THG1L: variants seen among roughly 807,000 people sequenced by gnomAD.
THG1L encodes the protein tRNA-histidine guanylyltransferase 1 like.
A neutral mutation model predicts 35.2 loss-of-function variants in THG1L; 27 were observed. The observed-to-expected ratio is 0.77, with a 90% CI of 0.57 to 1.06. The LOEUF (loss-of-function observed/expected upper bound fraction) is 1.06, where lower values mean the gene tolerates loss of function less well. THG1L is among the 50% of genes least tolerant of loss of function. The pLI is 0.00. For synonymous variants in THG1L, 135 were observed against 132.4 expected, an observed-to-expected ratio of 1.02 and a Z score of -0.14; for missense variants, 377 against 371.8, an observed-to-expected ratio of 1.01 and a Z score of -0.12.
intron 2 of THG1L, among the ~76,000 whole-genome samples, chr5:157,733,591 G>C (rs980723408): frequency 1.3e-5 from 2 of 151,862 alleles, no homozygotes; most frequent in African/African-American, 4.8e-5. Flanking sequence ...TTGGCCTCTC[G>C]AAGTGCTAGG....
rs374527072 is a variant in THG1L, at chr5:157,741,413, C to T, written c.*1931C>T. The T allele has an allele frequency of 9.9e-5, 15 of 152,160 alleles. No individual in the cohort carries two copies. Among genetic ancestry groups the T allele is most frequent in the African/African-American group, 3.4e-4 (14 of 41,526 alleles). The allele number at this position is 152,160 out of a possible 1,614,324, so 9.4% of individuals were successfully genotyped here. A position where few individuals can be genotyped will look rare whatever the true frequency, so the allele number is the denominator to read the frequency against. On this transcript the variant is annotated 3_prime_UTR_variant, in exon 6 of 6. Transcript: ENST00000231198. ...GTTCTTGTTTGGTAATTGCTAAAAT[C>T]TCTTTGAGGAAAGAAATAAAGATGT...
At chr5:157,734,780 C>T in intron 3 of THG1L, 35 bp downstream of exon 3, 1 of 1,611,992 alleles carries the variant, frequency 6.2e-7, no homozygotes, top group Non-Finnish European at 8.5e-7. Flanking sequence ...GTAGTTAAAC[C>T]ACCAATTCCA....
chr5:157,734,029 G>A (rs770007462), intron 2 of THG1L, among the ~76,000 whole-genome samples: 1 of 152,106 alleles, frequency 6.6e-6, no homozygotes. Context: ...ATCACATCCT[G>A]TAGGGAAAGG....
Position 157,731,735 on chromosome 5 carries a change from G to A in THG1L, c.191+104G>A, listed in dbSNP as rs1197324790. 3 of 1,407,372 alleles carry A rather than the reference G, an allele frequency of 2.1e-6. No individual in the cohort carries two copies. In the East Asian group the frequency reaches 7.0e-5, roughly 33 times the overall value. 87.2% of individuals were successfully genotyped at this position (1,407,372 alleles called of 1,614,324 possible). ...GCCCGCTCCAGTCACGGTTACCAGG[G>A]TAACGCGGTAGCCAATGAGTGCGCA... On this transcript the variant is annotated intron_variant, in intron 1 of 5. Coordinates refer to ENST00000231198, the MANE Select transcript of THG1L (RefSeq NM_017872.5).
At chr5:157,738,847 C>CA (rs1312581648) in intron 5 of THG1L, 1 of 194,026 alleles carries the variant, frequency 5.2e-6, no homozygotes, top group Non-Finnish European at 9.7e-6. Flanking sequence ...TTTTTTAAGA[C>CA]AGAGTCTTGC....
At chr5:157,733,691 G>A (rs1039595246) in intron 2 of THG1L, among the ~76,000 whole-genome samples, 1 of 151,372 alleles carries the variant, frequency 6.6e-6, no homozygotes, top group Admixed American at 6.6e-5. Flanking sequence ...AACACAAACA[G>A]ATCAGGCGTG....
At chr5:157,738,049 C>A in intron 5 of THG1L, 55 bp downstream of exon 5, 1 of 1,424,806 alleles carries the variant, frequency 7.0e-7, no homozygotes, top group Non-Finnish European at 9.8e-7. Flanking sequence ...ATAGCCTGTG[C>A]CCATTCCAAG....
In THG1L at chr5:157,734,698, C is replaced by A; in HGVS notation, c.491C>A (p.Pro164His). 1 of 1,614,058 alleles carries A rather than the reference C, an allele frequency of 6.2e-7. No individual in the cohort carries two copies. ...PGFDGRVVVY[P>H]SNQTLKDYLS... Reference sequence around the variant, plus strand: ...TTTGACGGAAGAGTCGTGGTGTATCCCAGCAACCAGACTTTAAAGGACTAC... The same window carrying A: ...TTTGACGGAAGAGTCGTGGTGTATCACAGCAACCAGACTTTAAAGGACTAC... Residue 164 changes from proline (P) to histidine (H), a missense_variant, in exon 3 of 6, where the codon CCC (proline) becomes CAC (histidine). Transcript: ENST00000231198.
At chr5:157,732,806 A>C in intron 1 of THG1L, 62 bp from the exon 2 acceptor site, 1 of 1,594,074 alleles carries the variant, frequency 6.3e-7, no homozygotes, top group South Asian at 1.1e-5. Context: ...TTATCTAGCA[A>C]CAGAGCGTGT....
At chr5:157,734,815 C>A in intron 3 of THG1L, 70 bp downstream of exon 3, 1 of 1,570,254 alleles carries the variant, frequency 6.4e-7, no homozygotes, top group Non-Finnish European at 8.7e-7. Context: ...TGATCTGATA[C>A]AGGATTGGCT....
At chr5:157,732,203 A>G in intron 1 of THG1L, among the ~76,000 whole-genome samples, 1 of 119,206 alleles carries the variant, frequency 8.4e-6, no homozygotes, top group African/African-American at 3.2e-5. Context: ...TGTTTGTGAA[A>G]CTCCGCCACT....
rs1454980461 is a variant in THG1L, at chr5:157,740,013, G to A, written c.*531G>A. On this transcript the variant is annotated 3_prime_UTR_variant, in exon 6 of 6. Coordinates refer to ENST00000231198, the MANE Select transcript of THG1L (RefSeq NM_017872.5). Reference sequence around the variant, plus strand: ...TTCAGGAATTGCAGGGAAAACTCGGGGCTTTGTGCCAGTCTCTAAGTTGGC... The same window carrying A: ...TTCAGGAATTGCAGGGAAAACTCGGAGCTTTGTGCCAGTCTCTAAGTTGGC... 2 of 152,116 alleles carry A rather than the reference G, an allele frequency of 1.3e-5. No individual in the cohort carries two copies. The highest frequency in any genetic ancestry group is 4.8e-5 in the African/African-American group (2 of 41,390). The allele number at this position is 152,116 out of a possible 1,614,324, so 9.4% of individuals were successfully genotyped here.
rs2270812 is a variant in THG1L, at chr5:157,737,954, T to C, written c.695T>C (p.Leu232Pro). The C allele has an allele frequency of 0.66, 1,058,055 of 1,611,432 alleles. 349,944 individuals carry two copies. Among genetic ancestry groups the C allele is most frequent in the East Asian group, 0.79 (35,542 of 44,812 alleles). ...TTCAACATCAACTATAATAATGAGC[T>C]GCCGATGTATAGGAAAGGGACTGTG... Reference protein sequence around the residue: ...SEFNINYNNELPMYRKGTVLI... With the variant: ...SEFNINYNNEPPMYRKGTVLI... The change falls in exon 5 of 6, where the codon CTG becomes CCG. Residue 232 changes from leucine (L) to proline (P), a missense_variant. By Grantham distance (98) the Leu-to-Pro change is moderately conservative. Transcript: ENST00000231198.
At chr5:157,733,807 A>C (rs563032980) in intron 2 of THG1L, among the ~76,000 whole-genome samples, 1 of 152,206 alleles carries the variant, frequency 6.6e-6, no homozygotes. Context: ...CCTCATCTCT[A>C]CAAAAAATTT....
chr5:157,731,469 A>G lies in THG1L; in HGVS notation c.29A>G (p.His10Arg), dbSNP rs1300789796. 1.9e-6 allele frequency: 3 copies of G among 1,609,462 alleles called. No individual in the cohort carries two copies. Among genetic ancestry groups the G allele is most frequent in the Non-Finnish European group, 2.5e-6 (3 of 1,177,626 alleles). Residue 10 changes from histidine (H) to arginine (R), a missense_variant, in exon 1 of 6, where the codon CAC (histidine) becomes CGC (arginine). His to Arg is a conservative substitution (Grantham distance 29). Coordinates refer to ENST00000231198, the MANE Select transcript of THG1L (RefSeq NM_017872.5). MWGACKVKV[H>R]DSLATISITL... Reference sequence around the variant, plus strand: ...TGGGGCGCCTGTAAAGTTAAGGTTCACGATTCCTTGGCCACCATTTCCATC... The same window carrying G: ...TGGGGCGCCTGTAAAGTTAAGGTTCGCGATTCCTTGGCCACCATTTCCATC...
At chr5:157,738,031 G>GA (rs1369886882) in intron 5 of THG1L, 37 bp downstream of exon 5, 2 of 1,536,002 alleles carry the variant, frequency 1.3e-6, no homozygotes, top group Non-Finnish European at 1.8e-6. Context: ...TGGAAGTCAG[G>GA]AAAAAAGATA....
intron 4 of THG1L, among the ~76,000 whole-genome samples, chr5:157,737,201 A>G (rs1223535047): frequency 6.6e-6 from 1 of 152,260 alleles, no homozygotes; most frequent in East Asian, 1.9e-4. Flanking sequence ...CAATAATAGG[A>G]AAACTGGGGC....
At chr5:157,731,762 C>G in intron 1 of THG1L, 131 bp downstream of exon 1, 1 of 1,178,536 alleles carries the variant, frequency 8.5e-7, no homozygotes, top group Non-Finnish European at 1.2e-6. Context: ...GAGTGCGCAG[C>G]ATGGAGCATT....
chr5:157,736,464 G>C lies in THG1L; in HGVS notation c.627+530G>C, dbSNP rs185452943. On this transcript the variant is annotated intron_variant, in intron 4 of 5. Coordinates refer to ENST00000231198, the MANE Select transcript of THG1L (RefSeq NM_017872.5). ...AGGGTTTCACCCCGTTGGCCAGGCT[G>C]GTCTTGAACTCCTGACCTGAAGTGA... Among the ~76,000 whole-genome samples, 3 of 152,282 alleles carry C rather than the reference G, an allele frequency of 2.0e-5. No homozygotes were observed. In the East Asian group the frequency reaches 5.8e-4, roughly 29 times the overall value.
Sources: allele counts gnomAD v4.1 joint callset (sites outside exome capture counted in the v4.1 genomes callset), GRCh38; gene constraint gnomAD v4.1.1; transcripts MANE v1.5; gene names NCBI Gene and HGNC (gene_info 2026-07-23, HGNC 2026-07-21).